LOC112694756: variants seen among roughly 807,000 people sequenced by gnomAD.
the LOC112694756 span, chr16:30,067,305 T>G: frequency 6.2e-7 from 1 of 1,612,956 alleles, no homozygotes; most frequent in Non-Finnish European, 8.5e-7. Context: ...AGGAGCTGTC[T>G]GACATCGCTC....
the LOC112694756 span, chr16:30,067,686 A>G: frequency 6.2e-7 from 1 of 1,613,556 alleles, no homozygotes; most frequent in Non-Finnish European, 8.5e-7. Context: ...TCCGGACGTG[A>G]GGTTTGAGAT....
chr16:30,069,398 C>G, the LOC112694756 span: 1 of 1,614,154 alleles, frequency 6.2e-7, no homozygotes, highest in East Asian at 2.2e-5. Flanking sequence ...AGGTAAATGG[C>G]TACCTGCCTG....
chr16:30,062,054 T>C, the LOC112694756 span, among the ~76,000 whole-genome samples: 2 of 150,054 alleles, frequency 1.3e-5, no homozygotes, highest in African/African-American at 4.9e-5. Context: ...AATACAAAAA[T>C]TAGCTGGGTG....
the LOC112694756 span, among the ~76,000 whole-genome samples, chr16:30,055,970 T>A: frequency 1.3e-5 from 2 of 152,196 alleles, no homozygotes; most frequent in Middle Eastern, 3.4e-3. Context: ...ATGGCTAATT[T>A]TTATATTTTT....
chr16:30,066,402 T>G, the LOC112694756 span, among the ~76,000 whole-genome samples: 6 of 152,208 alleles, frequency 3.9e-5, no homozygotes, highest in Admixed American at 6.5e-5. Context: ...GCGACCTTGA[T>G]TCTGAGCCCG....
chr16:30,070,332 CAG>C, the LOC112694756 span: 4 of 904,496 alleles, frequency 4.4e-6, no homozygotes, highest in South Asian at 1.4e-5. Context: ...TCCCTCGTGA[CAG>C]TGGTGTGTGG....
the LOC112694756 span, among the ~76,000 whole-genome samples, chr16:30,059,474 G>C: frequency 1.3e-5 from 2 of 151,688 alleles, no homozygotes. Flanking sequence ...ACTCCAGCCT[G>C]GGAGACAGAG....
the LOC112694756 span, chr16:30,053,158 C>G: frequency 6.6e-6 from 1 of 152,418 alleles, no homozygotes; most frequent in Non-Finnish European, 1.5e-5. Context: ...GCCGGTCCCT[C>G]GGACGATTGG....
At chr16:30,069,209 C>T in the LOC112694756 span, 17 of 1,445,460 alleles carry the variant, frequency 1.2e-5, no homozygotes, top group Non-Finnish European at 1.5e-5. Flanking sequence ...GAGTCCCTGG[C>T]ATCATCAAGA....
At chr16:30,059,935 C>T in the LOC112694756 span, among the ~76,000 whole-genome samples, 1 of 152,022 alleles carries the variant, frequency 6.6e-6, no homozygotes, top group East Asian at 1.9e-4. Context: ...TCCACCGATT[C>T]CCGACAATGG....
At chr16:30,063,608 C>CA in the LOC112694756 span, 3 of 397,998 alleles carry the variant, frequency 7.5e-6, no homozygotes, top group Admixed American at 4.4e-5. Flanking sequence ...GAATGATGGA[C>CA]AGTACCCTCT....
the LOC112694756 span, chr16:30,067,365 T>C: frequency 6.2e-7 from 1 of 1,613,928 alleles, no homozygotes; most frequent in East Asian, 2.2e-5. Flanking sequence ...ATGAGTCCAC[T>C]GGTGCGGGCA....
the LOC112694756 span, among the ~76,000 whole-genome samples, chr16:30,061,472 CAA>C: frequency 6.7e-6 from 1 of 149,214 alleles, no homozygotes; most frequent in East Asian, 2.0e-4. Flanking sequence ...GCAGAGGGCT[CAA>C]GAGGGATTGC....
At chr16:30,057,036 A>T in the LOC112694756 span, among the ~76,000 whole-genome samples, 1 of 150,480 alleles carries the variant, frequency 6.6e-6, no homozygotes, top group East Asian at 1.9e-4. Context: ...TCAGCCTCCC[A>T]AGTAGCTGGG....
At chr16:30,068,691 A>G in the LOC112694756 span, 4 of 1,614,102 alleles carry the variant, frequency 2.5e-6, no homozygotes, top group Admixed American at 1.7e-5. Context: ...TGGCGAGACT[A>G]CCACCCAAGG....
chr16:30,069,166 C>G, the LOC112694756 span: 2 of 1,332,224 alleles, frequency 1.5e-6, no homozygotes, highest in Non-Finnish European at 2.1e-6. Context: ...TGAGGCGGCT[C>G]TTGTCTCCTG....
chr16:30,067,074 T>A, the LOC112694756 span: 2 of 1,572,392 alleles, frequency 1.3e-6, no homozygotes, highest in Non-Finnish European at 8.6e-7. Context: ...AAGTTGGGCG[T>A]AAGAGAGAGC....
the LOC112694756 span, chr16:30,068,742 G>A: frequency 4.5e-3 from 7,306 of 1,614,110 alleles, 247 homozygotes; most frequent in East Asian, 0.094. Context: ...CCCAACCAGA[G>A]CAGGTTTGGG....
chr16:30,067,299 G>A, the LOC112694756 span: 6 of 1,612,802 alleles, frequency 3.7e-6, no homozygotes, highest in African/African-American at 2.7e-5. Context: ...AGAAGAAGGA[G>A]CTGTCTGACA....
Sources: gnomAD v4.1 joint callset for allele counts (sites outside exome capture counted in the v4.1 genomes callset) on GRCh38, gnomAD v4.1.1 for gene constraint, MANE v1.5 for transcripts.